RICTOR: variants seen among roughly 807,000 people sequenced by gnomAD.
RICTOR encodes rapamycin-insensitive companion of mTOR.
In RICTOR, 49 loss-of-function variants were observed where a neutral mutation model predicts 214.9. The ratio of observed to expected loss-of-function variants is 0.23; its 90% CI spans 0.18 to 0.29. The LOEUF (loss-of-function observed/expected upper bound fraction) is 0.29, where lower values mean the gene tolerates loss of function less well. RICTOR is among the 10% of genes least tolerant of loss of function. The pLI is 1.00. For missense variants in RICTOR, 1,625 were observed against 2,047.0 expected, an observed-to-expected ratio of 0.79 and a Z score of 3.98; for synonymous variants, 717 against 711.3, an observed-to-expected ratio of 1.01 and a Z score of -0.13.
At chr5:38,958,592 A>T (rs1024365401) in intron 23 of RICTOR, 73 bp from the exon 24 acceptor site, 1 of 1,518,340 alleles carries the variant, frequency 6.6e-7, no homozygotes, top group South Asian at 1.2e-5. Flanking sequence ...AATGCCTATT[A>T]TATACTTTTA....
chr5:38,956,931 A>G (rs759241141), intron 25 of RICTOR, among the ~76,000 whole-genome samples: 8 of 152,140 alleles, frequency 5.3e-5, no homozygotes, highest in Admixed American at 6.6e-5. Context: ...TTCAATATAG[A>G]CACTATAAAA....
intron 2 of RICTOR, among the ~76,000 whole-genome samples, chr5:39,026,271 A>G (rs1271242604): frequency 6.6e-6 from 1 of 152,148 alleles, no homozygotes; most frequent in Non-Finnish European, 1.5e-5. Context: ...TGAGCCCAGG[A>G]GGTTAAGGCT....
intron 5 of RICTOR, 55 bp from the exon 6 acceptor site, chr5:38,996,937 G>T: frequency 8.5e-7 from 1 of 1,178,256 alleles, no homozygotes; most frequent in Non-Finnish European, 1.3e-6. Context: ...ACAACTTTTT[G>T]TATCACAATA....
chr5:38,995,017 T>C (rs1753076160), intron 6 of RICTOR, among the ~76,000 whole-genome samples: 1 of 152,224 alleles, frequency 6.6e-6, no homozygotes, highest in African/African-American at 2.4e-5. Context: ...CTCCACCGCA[T>C]GTGTTATCAA....
chr5:39,022,913 AAAAAAAG>A (rs747245563), intron 2 of RICTOR, among the ~76,000 whole-genome samples: 1 of 152,190 alleles, frequency 6.6e-6, no homozygotes, highest in South Asian at 2.1e-4. Context: ...TCTTATTTGC[AAAAAAAG>A]AAAAAAGTGA....
intron 3 of RICTOR, among the ~76,000 whole-genome samples, chr5:39,012,957 T>A (rs1373798279): frequency 6.6e-6 from 1 of 152,126 alleles, no homozygotes; most frequent in Non-Finnish European, 1.5e-5. Flanking sequence ...GTATTAAGGA[T>A]GATGTATTTT....
chr5:38,938,395 T>G lies in RICTOR; in HGVS notation c.*3909A>C. On this transcript the variant is annotated 3_prime_UTR_variant, in exon 38 of 38. Coordinates refer to ENST00000357387, the MANE Select transcript of RICTOR (RefSeq NM_152756.5). ...TTTTGTAACAATTACCTATAAAATTTTTTTCACTCCCCCTCTCTGCCCCAA... is the reference window on the plus strand; with the variant it reads ...TTTTGTAACAATTACCTATAAAATTGTTTTCACTCCCCCTCTCTGCCCCAA... The G allele has an allele frequency of 4.3e-6, 1 of 230,926 alleles. No individual in the cohort carries two copies. Among genetic ancestry groups the G allele is most frequent in the Non-Finnish European group, 8.6e-6 (1 of 116,390 alleles). The allele number at this position is 230,926 out of a possible 1,614,324, so 14.3% of individuals were successfully genotyped here.
intron 2 of RICTOR, among the ~76,000 whole-genome samples, chr5:39,045,097 G>C (rs886487184): frequency 6.6e-6 from 1 of 152,140 alleles, no homozygotes; most frequent in African/African-American, 2.4e-5. Flanking sequence ...AGTAAAATTA[G>C]AATTGAGTAC....
At chr5:39,065,836 C>A (rs1025047287) in intron 2 of RICTOR, among the ~76,000 whole-genome samples, 4 of 152,260 alleles carry the variant, frequency 2.6e-5, no homozygotes, top group Admixed American at 2.0e-4. Context: ...GCTCCCAAGG[C>A]TTTGGGCAAC....
At chr5:38,970,244 TTATACCA>T (rs1750669986) in intron 11 of RICTOR, 1 of 152,224 alleles carries the variant, frequency 6.6e-6, no homozygotes, top group South Asian at 2.1e-4. Flanking sequence ...CAATGCATGA[TTATACCA>T]TATTTTGAAA....
At chr5:39,040,361 A>C (rs904789330) in intron 2 of RICTOR, among the ~76,000 whole-genome samples, 1 of 151,672 alleles carries the variant, frequency 6.6e-6, no homozygotes, top group South Asian at 2.1e-4. Context: ...AGATATACCT[A>C]ATGTTAAATG....
intron 2 of RICTOR, among the ~76,000 whole-genome samples, chr5:39,043,372 A>G (rs1757293707): frequency 6.6e-6 from 1 of 152,182 alleles, no homozygotes; most frequent in East Asian, 1.9e-4. Context: ...TCTTAAGTGA[A>G]ATAAACCAGG....
At chr5:38,967,901 A>G in intron 12 of RICTOR, 42 bp downstream of exon 12, 1 of 1,007,780 alleles carries the variant, frequency 9.9e-7, no homozygotes, top group Non-Finnish European at 1.5e-6. Context: ...TTAAATAAAA[A>G]TTACAATATA....
chr5:39,025,771 C>T (rs970925663), intron 2 of RICTOR, among the ~76,000 whole-genome samples: 4 of 152,280 alleles, frequency 2.6e-5, no homozygotes, highest in African/African-American at 9.6e-5. Flanking sequence ...ACCCTTATGA[C>T]CTAATTACCT....
At chr5:38,974,332 T>G (rs1751029193) in intron 10 of RICTOR, among the ~76,000 whole-genome samples, 1 of 151,864 alleles carries the variant, frequency 6.6e-6, no homozygotes, top group Non-Finnish European at 1.5e-5. Flanking sequence ...GCCCCACCCC[T>G]CTAAGTTTCT....
In RICTOR at chr5:38,942,883, G is replaced by C. The variant is rs1294184642; in HGVS notation, c.5002C>G (p.Pro1668Ala). 1.2e-6 allele frequency: 2 copies of C among 1,611,884 alleles called. No homozygotes were observed. Among genetic ancestry groups the C allele is most frequent in the Non-Finnish European group, 1.7e-6 (2 of 1,177,966 alleles). Residue 1668 changes from proline to alanine, a missense_variant, in exon 37 of 38, where the codon CCG becomes GCG. Physicochemically the swap from Pro to Ala is conservative, Grantham distance 27 (BLOSUM62 -1). Coordinates refer to ENST00000357387, the MANE Select transcript of RICTOR (RefSeq NM_152756.5). ...AATTCTTGTATGAACCTCCGACACG[G>C]AAGTCTGAATGTGCAGTGTGACAGC... ...HLLSHCTFRLPCRRFIQELFQ... is the reference protein window; with the variant it reads ...HLLSHCTFRLACRRFIQELFQ...
chr5:38,985,580 C>A (rs1485923946), intron 7 of RICTOR, among the ~76,000 whole-genome samples: 14 of 152,098 alleles, frequency 9.2e-5, no homozygotes, highest in Admixed American at 9.2e-4. Flanking sequence ...TGTGTGATTT[C>A]TTTTGATAAC....
rs1226795989 is a variant in RICTOR at position 39,017,398 on chromosome 5, T to TC, written c.195+3640dup. 9.9e-5 allele frequency among the ~76,000 whole-genome samples: 15 copies of TC among 152,226 alleles called. No homozygotes were observed. The South Asian group carries it at 1.9e-3, about 19-fold the overall frequency. ...TTGCAACCTTGGAACAATGTTGCGGTCTTAAAGATTTGACATTATCTCACC... is the reference window on the plus strand; with the variant it reads ...TTGCAACCTTGGAACAATGTTGCGGTCCTTAAAGATTTGACATTATCTCACC... On this transcript the variant is annotated intron_variant, in intron 3 of 37. Transcript: ENST00000357387.
At position 39,067,764 on chromosome 5, in the gene RICTOR, A is replaced by C. The variant is rs551292315; in HGVS notation, c.97+6347T>G. Among the ~76,000 whole-genome samples, 4 of 152,322 alleles carry C rather than the reference A, an allele frequency of 2.6e-5. No individual in the cohort carries two copies. In the South Asian group the frequency reaches 6.2e-4, roughly 24 times the overall value. On this transcript the variant is annotated intron_variant, in intron 2 of 37. Transcript: ENST00000357387. ...AGCTGAACTCATTATCATCCTTCCC[A>C]AAATGACTTCTCCATTTTATGGCAC...
Sources: allele counts gnomAD v4.1 joint callset (sites outside exome capture counted in the v4.1 genomes callset), GRCh38; gene constraint gnomAD v4.1.1; transcripts MANE v1.5; gene names NCBI Gene and HGNC (gene_info 2026-07-23, HGNC 2026-07-21).